The following ASAP3 variants were observed in gnomAD, a reference collection of about 807,000 sequenced individuals.
ASAP3 encodes the protein ArfGAP with SH3 domain, ankyrin repeat and PH domain 3.
Under a neutral mutation model 118.2 loss-of-function variants are expected in ASAP3, and 85 were observed. The ratio of observed to expected loss-of-function variants is 0.72; its 90% CI spans 0.60 to 0.86. The LOEUF (loss-of-function observed/expected upper bound fraction) is 0.86. Among genes scored for constraint, ASAP3 ranks in the 40% least tolerant of loss-of-function variants. ASAP3 has a pLI of 0.00. For missense variants in ASAP3, 1,026 were observed against 1,175.0 expected (o/e 0.87, Z 1.85); for synonymous variants, 432 against 477.4 (o/e 0.90, Z 1.24).
intron 3 of ASAP3, among the ~76,000 whole-genome samples, chr1:23,453,673 G>A (rs990711167): frequency 2.6e-5 from 4 of 152,070 alleles, no homozygotes; most frequent in Non-Finnish European, 4.4e-5. Flanking sequence ...AGCTTCCAAG[G>A]TACAGCTTGG....
intron 1 of ASAP3, among the ~76,000 whole-genome samples, chr1:23,460,919 G>C (rs1330545798): frequency 6.6e-6 from 1 of 152,188 alleles, no homozygotes; most frequent in African/African-American, 2.4e-5. Context: ...AAAAGATGCA[G>C]AGGAAAGTTA....
chr1:23,483,868 C>G (rs1464476999), intron 1 of ASAP3, 137 bp downstream of exon 1: 3 of 966,458 alleles, frequency 3.1e-6, no homozygotes, highest in Non-Finnish European at 4.0e-6. Context: ...GAGATGCGCT[C>G]GGTCCTCCCA....
rs1640652160 is a variant in ASAP3 at position 23,436,325 on chromosome 1, G to A, written c.1571+235C>T. 6.6e-6 allele frequency among the ~76,000 whole-genome samples: 1 copy of A among 152,244 alleles called. No individual in the cohort carries two copies. The highest frequency in any genetic ancestry group is 1.5e-5 in the Non-Finnish European group (1 of 68,046). ...TTACAGGCGTGTGCCACCACGCCCA[G>A]CTAATTCTTGTATTTTGAGTACAGG... On this transcript the variant is annotated intron_variant, in intron 16 of 24. Coordinates refer to ENST00000336689, the MANE Select transcript of ASAP3 (RefSeq NM_017707.4). This position sits in a 1 kb window ranked among gnomAD's most constrained non-coding sequence, Gnocchi z 4.2.
intron 1 of ASAP3, among the ~76,000 whole-genome samples, chr1:23,477,924 T>C (rs1642185807): frequency 6.6e-6 from 1 of 152,160 alleles, no homozygotes; most frequent in Non-Finnish European, 1.5e-5. Flanking sequence ...GCCAGAAGAC[T>C]GTAAGGTCCA....
At position 23,443,895 on chromosome 1, in the gene ASAP3, G is replaced by A. The variant is rs1640960603; in HGVS notation, c.474-1283C>T. On this transcript the variant is annotated intron_variant, in intron 5 of 24. Coordinates refer to ENST00000336689, the MANE Select transcript of ASAP3 (RefSeq NM_017707.4). ...GTCACCATGCCTGGCTAATTTTTTT[G>A]TATTTTTAGTAGAGATGGGGTTTCA... 2.0e-5 allele frequency among the ~76,000 whole-genome samples: 3 copies of A among 151,888 alleles called. No homozygotes were observed. In the South Asian group the frequency reaches 6.2e-4, roughly 32 times the overall value.
intron 7 of ASAP3, 120 bp downstream of exon 7, chr1:23,442,066 G>T: frequency 1.8e-6 from 2 of 1,092,534 alleles, no homozygotes; most frequent in Non-Finnish European, 2.7e-6. Context: ...GAGGAACTAT[G>T]AAAGTTCTGC....
At chr1:23,442,414 T>C (rs938554536) in intron 6 of ASAP3, 87 bp downstream of exon 6, 2 of 1,591,258 alleles carry the variant, frequency 1.3e-6, no homozygotes, top group African/African-American at 2.7e-5. Flanking sequence ...GGCCAGGACC[T>C]GAGCTGAGGC....
Position 23,436,903 on chromosome 1 carries a change from G to T in ASAP3, c.1476+8C>A, listed in dbSNP as rs773547052. On this transcript the variant is annotated splice_region_variant and intron_variant, in intron 15 of 24. Coordinates refer to ENST00000336689, the MANE Select transcript of ASAP3 (RefSeq NM_017707.4). The surrounding 1 kb of genome is among the most constrained non-coding windows in gnomAD (Gnocchi z 4.2). ...TCTGGCCCCTTCCAGGCCCCGCCCC[G>T]CCCTCACCAACAACTCGGAGGGGCC... 2 of 1,601,514 alleles carry T rather than the reference G, an allele frequency of 1.2e-6. No homozygotes were observed. The highest frequency in any genetic ancestry group is 1.7e-6 in the Non-Finnish European group (2 of 1,174,644).
At chr1:23,457,122 G>T (rs1641414533) in intron 1 of ASAP3, among the ~76,000 whole-genome samples, 1 of 152,154 alleles carries the variant, frequency 6.6e-6, no homozygotes, top group Non-Finnish European at 1.5e-5. Context: ...GGGGCCCACA[G>T]ATGAGAAAAC....
At chr1:23,473,971 G>GCC (rs1642037226) in intron 1 of ASAP3, among the ~76,000 whole-genome samples, 1 of 89,618 alleles carries the variant, frequency 1.1e-5, no homozygotes, top group African/African-American at 4.7e-5. Context: ...CATTAAATCT[G>GCC]CTCTTTTTTT....
intron 10 of ASAP3, 82 bp from the exon 11 acceptor site, chr1:23,439,312 A>C (rs1570342967): frequency 3.1e-6 from 4 of 1,304,966 alleles, no homozygotes; most frequent in African/African-American, 1.5e-5. Flanking sequence ...ATTTGCCCCC[A>C]CCTGTATGAT....
chr1:23,438,509 C>A lies in ASAP3; in HGVS notation c.1102+238G>T, dbSNP rs1570341067. Among the ~76,000 whole-genome samples, 3 of 152,160 alleles carry A rather than the reference C, an allele frequency of 2.0e-5. No individual in the cohort carries two copies. Among genetic ancestry groups the A allele is most frequent in the Admixed American group, 6.5e-5 (1 of 15,272 alleles). On this transcript the variant is annotated intron_variant, in intron 12 of 24. Coordinates refer to ENST00000336689, the MANE Select transcript of ASAP3 (RefSeq NM_017707.4). This position sits in a 1 kb window ranked among gnomAD's most constrained non-coding sequence, Gnocchi z 4.9. ...ATTTCAAAACCCAGATGACCCAAAT[C>A]CACTCAAATATGCTCTGTATAAATA...
At chr1:23,440,628 G>T (rs1384158595) in intron 10 of ASAP3, among the ~76,000 whole-genome samples, 2 of 148,840 alleles carry the variant, frequency 1.3e-5, no homozygotes, top group East Asian at 2.0e-4. Context: ...AGGCTGAGGC[G>T]GGCGGATCAC....
chr1:23,471,925 T>C (rs1339102774), intron 1 of ASAP3, among the ~76,000 whole-genome samples: 2 of 152,196 alleles, frequency 1.3e-5, no homozygotes, highest in African/African-American at 4.8e-5. Flanking sequence ...TTTTTATTGC[T>C]TTTTAACACA....
chr1:23,446,579 A>C (rs1641054184), intron 5 of ASAP3, among the ~76,000 whole-genome samples: 1 of 151,798 alleles, frequency 6.6e-6, no homozygotes, highest in South Asian at 2.1e-4. Context: ...CTGGGATTAC[A>C]GGCGCCCACA....
At chr1:23,455,305 G>A (rs16828529) in intron 3 of ASAP3, among the ~76,000 whole-genome samples, 1,798 of 152,288 alleles carry the variant, frequency 0.012, 34 homozygotes, top group African/African-American at 0.039. Flanking sequence ...GCTGTCACAG[G>A]GTGGCCTTGA....
chr1:23,475,171 A>G (rs1642088297), intron 1 of ASAP3, among the ~76,000 whole-genome samples: 1 of 152,140 alleles, frequency 6.6e-6, no homozygotes, highest in African/African-American at 2.4e-5. Flanking sequence ...AGCTCAACCA[A>G]TCAGAAGCCC....
At chr1:23,467,200 T>TATTATTATC (rs995666720) in intron 1 of ASAP3, among the ~76,000 whole-genome samples, 1 of 150,690 alleles carries the variant, frequency 6.6e-6, no homozygotes, top group African/African-American at 2.4e-5. Flanking sequence ...TTATTATTAT[T>TATTATTATC]ATTACTATTT....
chr1:23,464,546 G>C (rs1440967584), intron 1 of ASAP3, among the ~76,000 whole-genome samples: 4 of 151,480 alleles, frequency 2.6e-5, no homozygotes, highest in African/African-American at 9.7e-5. Flanking sequence ...TGTAGTCCCA[G>C]CTATTTGGGA....
Sources: allele counts gnomAD v4.1 joint callset (sites outside exome capture counted in the v4.1 genomes callset), GRCh38; gene constraint gnomAD v4.1.1; non-coding constraint Gnocchi (gnomAD v3.1); transcripts MANE v1.5; gene names NCBI Gene and HGNC (gene_info 2026-07-23, HGNC 2026-07-21).